Variants in CMTM3 observed in about 807,000 individuals in gnomAD.
CMTM3 encodes CKLF-like MARVEL transmembrane domain-containing protein 3.
CMTM3 carries 7 observed loss-of-function variants against 18.2 expected under a neutral mutation model. The ratio of observed to expected loss-of-function variants is 0.38; its 90% CI spans 0.22 to 0.72. The LOEUF is 0.72. CMTM3 is among the 30% of genes least tolerant of loss of function. CMTM3 has a pLI of 0.46. For synonymous variants in CMTM3, 109 were observed against 111.2 expected (o/e 0.98, Z 0.12); for missense variants, 227 against 249.2 (o/e 0.91, Z 0.60).
rs1444343435 is a variant in CMTM3 at position 66,609,160 on chromosome 16, G to A, written c.304-275G>A. On this transcript the variant is annotated intron_variant, in intron 2 of 4. Transcript: ENST00000567572. The surrounding 1 kb of genome is among the most constrained non-coding windows in gnomAD (Gnocchi z 4.4). Reference sequence around the variant, plus strand: ...TTCCAACTTCTGCTTCCACCGCATCGCAGGGCAGGCTGCACCCTGATCCAC... The same window carrying A: ...TTCCAACTTCTGCTTCCACCGCATCACAGGGCAGGCTGCACCCTGATCCAC... 1.3e-5 allele frequency among the ~76,000 whole-genome samples: 2 copies of A among 151,774 alleles called. No homozygotes were observed. Among genetic ancestry groups the A allele is most frequent in the African/African-American group, 2.4e-5 (1 of 41,300 alleles).
chr16:66,607,768 A>G (rs2015212687), intron 1 of CMTM3, among the ~76,000 whole-genome samples: 1 of 150,942 alleles, frequency 6.6e-6, no homozygotes, highest in Non-Finnish European at 1.5e-5. Context: ...GGGGTGGGGT[A>G]AGGTGAGGAC....
rs2015325920 is a variant in CMTM3 at position 66,610,226 on chromosome 16, T to G, written c.520+223T>G. Among the ~76,000 whole-genome samples the G allele has an allele frequency of 6.6e-6, 1 of 152,108 alleles. No individual in the cohort carries two copies. Among genetic ancestry groups the G allele is most frequent in the African/African-American group, 2.4e-5 (1 of 41,422 alleles). ...CAGCCTTTCTAGGAGGGGCAAGCAGTGGGCATGGCTGAGCCTCAGGCCAGG... is the reference window on the plus strand; with the variant it reads ...CAGCCTTTCTAGGAGGGGCAAGCAGGGGGCATGGCTGAGCCTCAGGCCAGG... On this transcript the variant is annotated intron_variant, in intron 4 of 4. Transcript: ENST00000567572. This position sits in a 1 kb window ranked among gnomAD's most constrained non-coding sequence, Gnocchi z 4.6.
At position 66,610,391 on chromosome 16, in the gene CMTM3, G is replaced by C. The variant is rs372774147; in HGVS notation, c.520+388G>C. Among the ~76,000 whole-genome samples, 159 of 152,298 alleles carry C rather than the reference G, an allele frequency of 1.0e-3. No individual in the cohort carries two copies. Among genetic ancestry groups the C allele is most frequent in the African/African-American group, 3.7e-3 (155 of 41,574 alleles). Reference sequence around the variant, plus strand: ...CCAGGCCTGTCCTGGGAAGCTCAGAGCCCAGAAAGGAGTCAGACCCAGAAA... The same window carrying C: ...CCAGGCCTGTCCTGGGAAGCTCAGACCCCAGAAAGGAGTCAGACCCAGAAA... On this transcript the variant is annotated intron_variant, in intron 4 of 4. Coordinates refer to ENST00000567572, the MANE Select transcript of CMTM3 (RefSeq NM_181553.4). The surrounding 1 kb of genome is among the most constrained non-coding windows in gnomAD (Gnocchi z 4.6).
upstream of CMTM3, chr16:66,604,631 G>T (rs2015053091): frequency 2.2e-6 from 1 of 449,858 alleles, no homozygotes; most frequent in Non-Finnish European, 3.5e-6. Flanking sequence ...GGTCCGAGGG[G>T]GAGGGGCGGG....
At position 66,608,233 on chromosome 16, in the gene CMTM3, C is replaced by T; in HGVS notation, c.148-76C>T. ...GCTGGAACCTCCTCTATCCTGACCA[C>T]AGGGCCTGGCTCAGAGGAGCACTGG... is the stretch of plus-strand genomic sequence containing the variant. On this transcript the variant is annotated intron_variant, in intron 1 of 4. Transcript: ENST00000567572. This position sits in a 1 kb window ranked among gnomAD's most constrained non-coding sequence, Gnocchi z 5.1. 7.1e-6 allele frequency: 11 copies of T among 1,543,190 alleles called. No individual in the cohort carries two copies. The highest frequency in any genetic ancestry group is 3.4e-4 in the Middle Eastern group (2 of 5,844).
Position 66,609,644 on chromosome 16 carries a change from G to A in CMTM3, c.399+114G>A. 6.6e-7 allele frequency: 1 copy of A among 1,516,568 alleles called. No individual in the cohort carries two copies. Among genetic ancestry groups the A allele is most frequent in the African/African-American group, 1.4e-5 (1 of 72,502 alleles). The allele number at this position is 1,516,568 out of a possible 1,614,324, so 93.9% of individuals were successfully genotyped here. A position where few individuals can be genotyped will look rare whatever the true frequency, so the allele number is the denominator to read the frequency against. On this transcript the variant is annotated intron_variant, in intron 3 of 4. Transcript: ENST00000567572. This position sits in a 1 kb window ranked among gnomAD's most constrained non-coding sequence, Gnocchi z 4.4. Reference sequence around the variant, plus strand: ...TGGGGCCCCCCTGGGGTCTCATGTGGGTCCCGATGATGATTCCAAAGTCCT... The same window carrying A: ...TGGGGCCCCCCTGGGGTCTCATGTGAGTCCCGATGATGATTCCAAAGTCCT...
In CMTM3 at chr16:66,608,200, C is replaced by T. The variant is rs370928539; in HGVS notation, c.148-109C>T. On this transcript the variant is annotated intron_variant, in intron 1 of 4. Transcript: ENST00000567572. The surrounding 1 kb of genome is among the most constrained non-coding windows in gnomAD (Gnocchi z 5.1). ...CAGCTGCGGGACTGTGAGCAGTTGG[C>T]TTCCCCTGCTGGAACCTCCTCTATC... 4.5e-5 allele frequency: 56 copies of T among 1,239,680 alleles called. No individual in the cohort carries two copies. In the African/African-American group the frequency reaches 7.6e-4, roughly 17 times the overall value. The allele number at this position is 1,239,680 out of a possible 1,614,324, so 76.8% of individuals were successfully genotyped here.
intron 1 of CMTM3, among the ~76,000 whole-genome samples, chr16:66,607,475 TTATC>T (rs1487554892): frequency 6.6e-6 from 1 of 152,218 alleles, no homozygotes; most frequent in Non-Finnish European, 1.5e-5. Flanking sequence ...TTTTTTTGCT[TTATC>T]TATCTGTCCA....
Position 66,610,090 on chromosome 16 carries a change from G to A in CMTM3, c.520+87G>A. The A allele has an allele frequency of 1.3e-6, 2 of 1,532,064 alleles. No homozygotes were observed. The highest frequency in any genetic ancestry group is 1.8e-6 in the Non-Finnish European group (2 of 1,119,658). 94.9% of individuals were successfully genotyped at this position (1,532,064 alleles called of 1,614,324 possible). ...TGCCAGCTAGTTTGAGGCTGGGGTG[G>A]GATCATTTCCTCTCTCCCCATGGCA... is the stretch of plus-strand genomic sequence containing the variant. On this transcript the variant is annotated intron_variant, in intron 4 of 4. Coordinates refer to ENST00000567572, the MANE Select transcript of CMTM3 (RefSeq NM_181553.4). The surrounding 1 kb of genome is among the most constrained non-coding windows in gnomAD (Gnocchi z 4.6).
Position 66,604,848 on chromosome 16 carries a change from G to A in CMTM3, c.43G>A (p.Ala15Thr), listed in dbSNP as rs2015068258. Residue 15 changes from alanine (A) to threonine (T), a missense_variant, in exon 1 of 5, where the codon GCC becomes ACC. Physicochemically the swap from Ala to Thr is moderately conservative, Grantham distance 58. Coordinates refer to ENST00000567572, the MANE Select transcript of CMTM3 (RefSeq NM_181553.4). ...DPDPDPDPEPAGGSRPGPAVP... is the reference protein window; with the variant it reads ...DPDPDPDPEPTGGSRPGPAVP... ...CGACCCCGACCCGGACCCCGAGCCT[G>A]CCGGCGGCTCCCGTCCCGGCCCCGC... 4 of 1,362,568 alleles carry A rather than the reference G, an allele frequency of 2.9e-6. No individual in the cohort carries two copies. The highest frequency in any genetic ancestry group is 3.8e-6 in the Non-Finnish European group (4 of 1,063,136). The allele number at this position is 1,362,568 out of a possible 1,614,324, so 84.4% of individuals were successfully genotyped here.
upstream of CMTM3, chr16:66,604,138 C>T (rs959807115): frequency 1.8e-4 from 27 of 147,748 alleles, no homozygotes; most frequent in Non-Finnish European, 3.1e-4. Context: ...CGCGCGCGCG[C>T]GCGTGTGTGT....
rs371051186 is a variant in CMTM3, at chr16:66,613,062, G to A, written c.*425G>A. ...AACCATGACAGGGCTGCCCCGCCAG[G>A]CCCCGGTGGGTTTGTCTGCACTTGG... is the stretch of plus-strand genomic sequence containing the variant. On this transcript the variant is annotated 3_prime_UTR_variant, in exon 5 of 5. Transcript: ENST00000567572. 1.6e-5 allele frequency: 11 copies of A among 702,988 alleles called. No individual in the cohort carries two copies. In the Middle Eastern group the frequency reaches 1.6e-3, roughly 102 times the overall value. 43.5% of individuals were successfully genotyped at this position (702,988 alleles called of 1,614,324 possible). A position where few individuals can be genotyped will look rare whatever the true frequency, so the allele number is the denominator to read the frequency against.
chr16:66,604,138 CGCGT>C, upstream of CMTM3: 1 of 147,748 alleles, frequency 6.8e-6, no homozygotes, highest in Non-Finnish European at 1.5e-5. Flanking sequence ...CGCGCGCGCG[CGCGT>C]GTGTGTGTGT....
rs1232932811 is a variant in CMTM3 at position 66,613,233 on chromosome 16, A to G, written c.*596A>G. 1 of 677,270 alleles carries G rather than the reference A, an allele frequency of 1.5e-6. No homozygotes were observed. Among genetic ancestry groups the G allele is most frequent in the Non-Finnish European group, 2.7e-6 (1 of 371,100 alleles). 42.0% of individuals were successfully genotyped at this position (677,270 alleles called of 1,614,324 possible). The stretch of plus-strand genomic sequence containing the variant: ...CAGGAAGTGGGGCTCGGCACCCATA[A>G]CTAACACCTCCCACCCTTGGAAACC... On this transcript the variant is annotated 3_prime_UTR_variant, in exon 5 of 5. Transcript: ENST00000567572.
rs774634862 is a variant in CMTM3, at chr16:66,609,541, G to A, written c.399+11G>A. On this transcript the variant is annotated intron_variant, in intron 3 of 4. Transcript: ENST00000567572. The surrounding 1 kb of genome is among the most constrained non-coding windows in gnomAD (Gnocchi z 4.4). ...TCCAAAGCCGCTGGGGTGAGCAGCC[G>A]CCCCACCCCTCTGGAAACTGCAGAT... 6.8e-5 allele frequency: 108 copies of A among 1,582,444 alleles called. No homozygotes were observed. The highest frequency in any genetic ancestry group is 9.0e-5 in the Admixed American group (5 of 55,748).
At chr16:66,606,007 C>T (rs1302333520) in intron 1 of CMTM3, among the ~76,000 whole-genome samples, 1 of 152,036 alleles carries the variant, frequency 6.6e-6, no homozygotes, top group East Asian at 1.9e-4. Flanking sequence ...AATCCACCGT[C>T]CCCAGAGTGG....
In CMTM3 at chr16:66,612,993, G is replaced by A. The variant is rs561138890; in HGVS notation, c.*356G>A. On this transcript the variant is annotated 3_prime_UTR_variant, in exon 5 of 5. Transcript: ENST00000567572. The surrounding 1 kb of genome is among the most constrained non-coding windows in gnomAD (Gnocchi z 6.0). ...CAGGTGTTCCATGCTGCTAGGTGGC[G>A]GGGGTCGGGGGTCTTCTGTTTCACT... The A allele has an allele frequency of 4.4e-5, 31 of 698,388 alleles. No homozygotes were observed. The highest frequency in any genetic ancestry group is 1.8e-4 in the Admixed American group (9 of 49,650). The allele number at this position is 698,388 out of a possible 1,614,324, so 43.3% of individuals were successfully genotyped here.
At position 66,609,577 on chromosome 16, in the gene CMTM3, C is replaced by A; in HGVS notation, c.399+47C>A. ...CTGGAAACTGCAGATGCCCCTCTAG[C>A]CCCTCATTTAGGGTGGGACCTGGGG... On this transcript the variant is annotated intron_variant, in intron 3 of 4. Transcript: ENST00000567572. The surrounding 1 kb of genome is among the most constrained non-coding windows in gnomAD (Gnocchi z 4.4). The A allele has an allele frequency of 1.3e-6, 2 of 1,544,208 alleles. No homozygotes were observed. Among genetic ancestry groups the A allele is most frequent in the Non-Finnish European group, 1.8e-6 (2 of 1,138,274 alleles).
rs2015406269 is a variant in CMTM3, at chr16:66,612,304, G to A, written c.521-305G>A. ...GCTTATAATCCCAGCTACTCGGGAG[G>A]GAGGAAGTTGCAGTGAGTCGAGATC... On this transcript the variant is annotated intron_variant, in intron 4 of 4. Coordinates refer to ENST00000567572, the MANE Select transcript of CMTM3 (RefSeq NM_181553.4). The surrounding 1 kb of genome is among the most constrained non-coding windows in gnomAD (Gnocchi z 6.0). Among the ~76,000 whole-genome samples the A allele has an allele frequency of 6.6e-6, 1 of 152,182 alleles. No homozygotes were observed. Among genetic ancestry groups the A allele is most frequent in the African/African-American group, 2.4e-5 (1 of 41,450 alleles).
Sources: allele counts gnomAD v4.1 joint callset (sites outside exome capture counted in the v4.1 genomes callset), GRCh38; gene constraint gnomAD v4.1.1; non-coding constraint Gnocchi (gnomAD v3.1); transcripts MANE v1.5; gene names NCBI Gene and HGNC (gene_info 2026-07-23, HGNC 2026-07-21).